Variants in ZCCHC7 observed in about 807,000 individuals in gnomAD.
The protein encoded by ZCCHC7 is zinc finger CCHC-type containing 7, also known as zinc finger CCHC domain-containing protein 7.
In ZCCHC7, 35 loss-of-function variants were observed where a neutral mutation model predicts 52.0. The observed-to-expected ratio is 0.67, with a 90% CI of 0.51 to 0.89. ZCCHC7 has a LOEUF of 0.89. Ranked by LOEUF, ZCCHC7 falls within the 40% of genes least tolerant of loss-of-function variation. ZCCHC7 has a pLI of 0.00. For synonymous variants in ZCCHC7, 217 were observed against 221.5 expected (o/e 0.98, Z 0.18); for missense variants, 574 against 649.1 (o/e 0.88, Z 1.26).
At chr9:37,351,597 A>G (rs77322258) in intron 7 of ZCCHC7, among the ~76,000 whole-genome samples, 1 of 152,328 alleles carries the variant, frequency 6.6e-6, no homozygotes, top group South Asian at 2.1e-4. Flanking sequence ...GTGAGCTACC[A>G]TGCCCAGCCA....
At chr9:37,183,846 A>G (rs1277632971) in intron 2 of ZCCHC7, among the ~76,000 whole-genome samples, 2 of 152,076 alleles carry the variant, frequency 1.3e-5, no homozygotes, top group Admixed American at 6.6e-5. Flanking sequence ...TTTGAACCCA[A>G]CTCCTCTTGC....
At chr9:37,182,331 T>A (rs1822401965) in intron 2 of ZCCHC7, among the ~76,000 whole-genome samples, 1 of 152,070 alleles carries the variant, frequency 6.6e-6, no homozygotes, top group African/African-American at 2.4e-5. Context: ...TTCTAATGAT[T>A]ACAGTTGTAT....
At chr9:37,271,655 C>T (rs1038997809) in intron 2 of ZCCHC7, among the ~76,000 whole-genome samples, 19 of 152,168 alleles carry the variant, frequency 1.2e-4, no homozygotes, top group Admixed American at 8.5e-4. Context: ...CTGCAACCTC[C>T]GCCCTCCAGG....
intron 2 of ZCCHC7, among the ~76,000 whole-genome samples, chr9:37,148,515 G>A (rs896102547): frequency 2.3e-4 from 35 of 152,192 alleles, no homozygotes; most frequent in African/African-American, 8.2e-4. Flanking sequence ...CATTTGTAGG[G>A]AAAGGTTTTT....
chr9:37,304,790 ATG>A (rs1043462518), intron 4 of ZCCHC7, among the ~76,000 whole-genome samples: 1 of 152,202 alleles, frequency 6.6e-6, no homozygotes, highest in African/African-American at 2.4e-5. Context: ...AGTCAGAAAA[ATG>A]TGGAATCAAT....
intron 3 of ZCCHC7, among the ~76,000 whole-genome samples, chr9:37,302,870 G>GCCAT (rs534245253): frequency 2.5e-3 from 385 of 152,292 alleles, no homozygotes; most frequent in Middle Eastern, 0.024. Context: ...GGGTCACTCT[G>GCCAT]TAGGCAGAAT....
intron 2 of ZCCHC7, among the ~76,000 whole-genome samples, chr9:37,267,594 G>A (rs1226040913): frequency 1.5e-5 from 2 of 131,584 alleles, no homozygotes; most frequent in African/African-American, 5.8e-5. Context: ...TTTTGAGACA[G>A]AGTCTCGCTC....
intron 2 of ZCCHC7, among the ~76,000 whole-genome samples, chr9:37,290,971 C>T (rs1420461959): frequency 6.6e-6 from 1 of 152,148 alleles, no homozygotes; most frequent in Non-Finnish European, 1.5e-5. Context: ...AAGGATAATG[C>T]AGGAGTGACA....
At chr9:37,168,203 C>G (rs957927353) in intron 2 of ZCCHC7, among the ~76,000 whole-genome samples, 1 of 152,164 alleles carries the variant, frequency 6.6e-6, no homozygotes, top group Admixed American at 6.5e-5. Flanking sequence ...ACCTAGATGT[C>G]TTTCATGGAT....
chr9:37,209,324 G>A (rs1023722671), intron 2 of ZCCHC7, among the ~76,000 whole-genome samples: 3 of 151,780 alleles, frequency 2.0e-5, no homozygotes, highest in Non-Finnish European at 4.4e-5. Context: ...ACAGGCATGA[G>A]CCACCACGCC....
intron 5 of ZCCHC7, among the ~76,000 whole-genome samples, chr9:37,312,015 A>G (rs1302673338): frequency 1.3e-5 from 2 of 152,240 alleles, no homozygotes; most frequent in Admixed American, 1.3e-4. Flanking sequence ...TTGTAAAGGT[A>G]ATTATTTAAG....
chr9:37,340,239 T>C (rs1820546381), intron 6 of ZCCHC7, among the ~76,000 whole-genome samples: 1 of 152,168 alleles, frequency 6.6e-6, no homozygotes, highest in African/African-American at 2.4e-5. Flanking sequence ...CTTTATCTTC[T>C]GATATTTACT....
intron 2 of ZCCHC7, among the ~76,000 whole-genome samples, chr9:37,259,374 C>T (rs1415852726): frequency 6.6e-6 from 1 of 152,046 alleles, no homozygotes; most frequent in Non-Finnish European, 1.5e-5. Context: ...GACTTTCTGG[C>T]TCTTTTTTCT....
At chr9:37,120,456 A>G (rs1235213196), upstream of ZCCHC7, 383 of 397,518 alleles carry the variant, frequency 9.6e-4, 3 homozygotes, top group Non-Finnish European at 1.3e-4. Context: ...CAGGCGCGGC[A>G]GGTGGGCGGG....
intron 2 of ZCCHC7, among the ~76,000 whole-genome samples, chr9:37,283,971 G>A (rs1828092087): frequency 6.6e-6 from 1 of 151,674 alleles, no homozygotes; most frequent in Non-Finnish European, 1.5e-5. Context: ...CTTTCAGACA[G>A]ATTTTTCCCT....
At chr9:37,264,574 C>T (rs1827014123) in intron 2 of ZCCHC7, among the ~76,000 whole-genome samples, 1 of 152,114 alleles carries the variant, frequency 6.6e-6, no homozygotes, top group Non-Finnish European at 1.5e-5. Context: ...TTTGTTGCCT[C>T]ATTAAATTGT....
chr9:37,318,996 T>G (rs1277409938), intron 5 of ZCCHC7, among the ~76,000 whole-genome samples: 1 of 151,856 alleles, frequency 6.6e-6, no homozygotes, highest in Admixed American at 6.6e-5. Context: ...TCTTGTTATG[T>G]CAGGAATTAT....
At chr9:37,316,893 A>G (rs1359369892) in intron 5 of ZCCHC7, among the ~76,000 whole-genome samples, 4 of 149,158 alleles carry the variant, frequency 2.7e-5, no homozygotes, top group Non-Finnish European at 5.9e-5. Flanking sequence ...TAATATACCA[A>G]TAGAAAAAAA....
In ZCCHC7 at chr9:37,298,633, C is replaced by T. The variant is rs1404730788; in HGVS notation, c.611-3555C>T. Reference sequence around the variant, plus strand: ...GTGGTTGCCTCAGGTGGGGGATTGACTGCACATGTGCACAAAGTAACATTT... The same window carrying T: ...GTGGTTGCCTCAGGTGGGGGATTGATTGCACATGTGCACAAAGTAACATTT... On this transcript the variant is annotated intron_variant, in intron 2 of 8. Transcript: ENST00000336755. Among the ~76,000 whole-genome samples, 4 of 152,162 alleles carry T rather than the reference C, an allele frequency of 2.6e-5. No individual in the cohort carries two copies. In the East Asian group the frequency reaches 7.7e-4, roughly 29 times the overall value.
Sources: gnomAD v4.1 joint callset for allele counts (sites outside exome capture counted in the v4.1 genomes callset) on GRCh38, gnomAD v4.1.1 for gene constraint, MANE v1.5 for transcripts, NCBI Gene and HGNC (gene_info 2026-07-23, HGNC 2026-07-21) for gene names.